TTC6: variants seen among roughly 807,000 people sequenced by gnomAD.
TTC6 encodes tetratricopeptide repeat domain 6, also known as tetratricopeptide repeat protein 6.
TTC6 carries 172 observed loss-of-function variants against 210.4 expected under a neutral mutation model. That is an observed-to-expected ratio of 0.82 (90% CI 0.72 to 0.93). The LOEUF is 0.93. TTC6 is among the 40% of genes least tolerant of loss of function. The probability of loss-of-function intolerance (pLI) is 0.00; values close to 1 mark genes in which losing one functional copy is unlikely to be tolerated. For synonymous variants in TTC6, 804 were observed against 819.6 expected, an observed-to-expected ratio of 0.98 and a Z score of 0.32; for missense variants, 2,414 against 2,318.1, an observed-to-expected ratio of 1.04 and a Z score of -0.85.
intron 5 of TTC6, among the ~76,000 whole-genome samples, chr14:37,709,071 G>A (rs1159262654): frequency 2.0e-5 from 3 of 151,976 alleles, no homozygotes; most frequent in Non-Finnish European, 2.9e-5. Flanking sequence ...TCCTACCAGT[G>A]TAGGTATCTG....
exon 11 of TTC6, chr14:37,749,102 G>T (rs1267320994): frequency 6.5e-7 from 1 of 1,535,700 alleles, no homozygotes. Flanking sequence ...TCGGACATGG[G>T]CTCTTGATAG....
rs369877330 is a variant in TTC6 at position 37,738,327 on chromosome 14, T to C, written c.1984-449T>C. ...ATTATGGAGAATATTTGAATGGTAT[T>C]GTGTAGAAATTCAGTGTTGTTAAAG... On this transcript the variant is annotated intron_variant, in intron 9 of 30. Coordinates refer to ENST00000553443, the Ensembl canonical transcript of TTC6. 5.5e-4 allele frequency among the ~76,000 whole-genome samples: 83 copies of C among 152,078 alleles called. No individual in the cohort carries two copies. In the South Asian group the frequency reaches 0.016, roughly 30 times the overall value.
intron 5 of TTC6, among the ~76,000 whole-genome samples, chr14:37,712,739 G>C (rs1325136589): frequency 6.6e-6 from 1 of 152,088 alleles, no homozygotes; most frequent in Admixed American, 6.6e-5. Flanking sequence ...ACAGCACTAT[G>C]GGGTAACCAC....
chr14:37,656,532 T>C (rs1251163872), intron 1 of TTC6, among the ~76,000 whole-genome samples: 1 of 151,578 alleles, frequency 6.6e-6, no homozygotes, highest in African/African-American at 2.4e-5. Context: ...TGTGTGTGTG[T>C]GTGTGTGTGC....
intron 1 of TTC6, among the ~76,000 whole-genome samples, chr14:37,631,829 C>G (rs1317534237): frequency 6.6e-6 from 1 of 152,084 alleles, no homozygotes. Flanking sequence ...TCTTTTTTCT[C>G]TAATCTTGTC....
At chr14:37,601,799 T>C (rs1282700253) in intron 1 of TTC6, among the ~76,000 whole-genome samples, 1 of 152,152 alleles carries the variant, frequency 6.6e-6, no homozygotes. Flanking sequence ...GCTTTGCCCA[T>C]ATAGGGTGGT....
At chr14:37,721,705 T>C (rs553125548) in intron 6 of TTC6, among the ~76,000 whole-genome samples, 1 of 151,920 alleles carries the variant, frequency 6.6e-6, no homozygotes, top group East Asian at 1.9e-4. Context: ...GCCACGGATA[T>C]ATTTTGTTTG....
At chr14:37,841,467 C>T (rs1025727947) in exon 30 of TTC6, 2 of 1,589,168 alleles carry the variant, frequency 1.3e-6, no homozygotes, top group Non-Finnish European at 1.7e-6. Context: ...TTCTCAAAAG[C>T]TTTAAAATTT....
rs1236865209 is a variant in TTC6, at chr14:37,735,112, A to G, written c.1819-809A>G. 8.5e-5 allele frequency among the ~76,000 whole-genome samples: 13 copies of G among 152,312 alleles called. No individual in the cohort carries two copies. The East Asian group carries it at 2.1e-3, about 25-fold the overall frequency. ...TGTGCTATCACTACTTTCTGAAAAT[A>G]TAACTTGAGAGGATTTTTAGCAAAA... On this transcript the variant is annotated intron_variant, in intron 7 of 30. Coordinates refer to ENST00000553443, the Ensembl canonical transcript of TTC6.
At chr14:37,798,557 T>C (rs1263277258) in intron 20 of TTC6, among the ~76,000 whole-genome samples, 1 of 152,006 alleles carries the variant, frequency 6.6e-6, no homozygotes, top group African/African-American at 2.4e-5. Context: ...TAAATAATAA[T>C]AGTTTTATTT....
chr14:37,784,121 G>A (rs1338029117), intron 14 of TTC6, among the ~76,000 whole-genome samples: 2 of 152,182 alleles, frequency 1.3e-5, no homozygotes, highest in African/African-American at 4.8e-5. Flanking sequence ...ATTTGGGGTG[G>A]AGAGTTCTGT....
chr14:37,789,969 C>G (rs1005781326), intron 15 of TTC6, among the ~76,000 whole-genome samples: 10 of 151,954 alleles, frequency 6.6e-5, no homozygotes, highest in Non-Finnish European at 1.5e-4. Context: ...TGTGGAAACC[C>G]CATCTAATTC....
intron 14 of TTC6, among the ~76,000 whole-genome samples, chr14:37,759,468 C>T (rs964475018): frequency 2.6e-5 from 4 of 151,838 alleles, no homozygotes; most frequent in African/African-American, 7.3e-5. Context: ...GAGAATTTGA[C>T]GATTATGTTT....
intron 3 of TTC6, among the ~76,000 whole-genome samples, chr14:37,693,221 C>T (rs2095807700): frequency 6.6e-6 from 1 of 152,000 alleles, no homozygotes; most frequent in Non-Finnish European, 1.5e-5. Flanking sequence ...AGTTGACATG[C>T]AAAAATCAGT....
intron 21 of TTC6, 46 bp downstream of exon 23, chr14:37,804,860 C>A: frequency 6.3e-7 from 1 of 1,598,476 alleles, no homozygotes; most frequent in Non-Finnish European, 8.5e-7. Context: ...ATTTTAGAGA[C>A]TGGTTGCTTG....
rs535038647 is a variant in TTC6 at position 37,695,961 on chromosome 14, G to A, written c.1258-756G>A. Among the ~76,000 whole-genome samples the A allele has an allele frequency of 2.6e-5, 4 of 152,246 alleles. No homozygotes were observed. The South Asian group carries it at 6.2e-4, about 24-fold the overall frequency. On this transcript the variant is annotated intron_variant, in intron 3 of 30. Transcript: ENST00000553443. ...GGGATGACGAGATTTAGTAGCAAAT[G>A]TGAAAAACTTCAGTGTTTTTCCTGG...
intron 21 of TTC6, 121 bp downstream of exon 23, chr14:37,804,935 C>G (rs1391343179): frequency 9.2e-7 from 1 of 1,089,098 alleles, no homozygotes; most frequent in Non-Finnish European, 1.3e-6. Context: ...GCTTATGAAG[C>G]TTGGCTTGTT....
intron 1 of TTC6, among the ~76,000 whole-genome samples, chr14:37,664,035 C>T (rs2095742999): frequency 2.1e-5 from 3 of 145,164 alleles, no homozygotes; most frequent in Admixed American, 2.0e-4. Context: ...ATTTCTTGCT[C>T]ATGGATAGGA....
At chr14:37,749,307 A>G (rs992421442) in exon 11 of TTC6, 1 of 1,521,344 alleles carries the variant, frequency 6.6e-7, no homozygotes, top group African/African-American at 1.4e-5. Flanking sequence ...GAAATAAATG[A>G]TAAGACAAAA....
Sources: allele counts gnomAD v4.1 joint callset (sites outside exome capture counted in the v4.1 genomes callset), GRCh38; gene constraint gnomAD v4.1.1; transcripts MANE v1.5; gene names NCBI Gene and HGNC (gene_info 2026-07-23, HGNC 2026-07-21).